The following MAST4 variants were observed in gnomAD, a reference collection of about 807,000 sequenced individuals.
MAST4 encodes microtubule associated serine/threonine kinase family member 4.
In MAST4, 89 loss-of-function variants were observed where a neutral mutation model predicts 162.7. The observed-to-expected ratio is 0.55, with a 90% CI of 0.46 to 0.65. The LOEUF (loss-of-function observed/expected upper bound fraction) is 0.65, where lower values mean the gene tolerates loss of function less well. Among genes scored for constraint, MAST4 ranks in the 30% least tolerant of loss-of-function variants. The probability of loss-of-function intolerance (pLI) is 0.00; values close to 1 mark genes in which losing one functional copy is unlikely to be tolerated. For missense variants in MAST4, 3,153 were observed against 3,374.0 expected (o/e 0.93, Z 1.62); for synonymous variants, 1,479 against 1,361.1 (o/e 1.09, Z -1.91).
intron 1 of MAST4, among the ~76,000 whole-genome samples, chr5:66,733,639 A>G (rs1192874657): frequency 6.6e-6 from 1 of 152,038 alleles, no homozygotes; most frequent in Non-Finnish European, 1.5e-5. Context: ...TTGTATTTTT[A>G]GTAGAGATGG....
intron 1 of MAST4, among the ~76,000 whole-genome samples, chr5:66,606,435 A>C (rs80046264): frequency 0.018 from 2,675 of 152,232 alleles, 73 homozygotes; most frequent in African/African-American, 0.062. Flanking sequence ...TTTGAAAACT[A>C]TTGAAGATGT....
intron 2 of MAST4, 63 bp from the exon 3 acceptor site, chr5:66,788,607 C>CCAAAAAAAAAAACAAAA: frequency 7.3e-7 from 1 of 1,373,726 alleles, no homozygotes; most frequent in Non-Finnish European, 1.0e-6. Context: ...CCCCCACCCC[C>CCAAAAAAAAAAACAAAA]ATTGCAATAA....
chr5:67,129,988 A>G (rs1314247244), intron 14 of MAST4, among the ~76,000 whole-genome samples: 1 of 152,154 alleles, frequency 6.6e-6, no homozygotes, highest in Non-Finnish European at 1.5e-5. Context: ...TGATGCCTGG[A>G]TATGACCCTT....
chr5:67,087,058 T>C (rs540908766), intron 5 of MAST4, among the ~76,000 whole-genome samples: 7 of 152,278 alleles, frequency 4.6e-5, no homozygotes, highest in Admixed American at 1.3e-4. Context: ...GCTAGTCTTA[T>C]AATTCCTCCC....
At chr5:67,110,285 G>T (rs1581595187) in intron 11 of MAST4, 86 bp downstream of exon 11, 1 of 931,456 alleles carries the variant, frequency 1.1e-6, no homozygotes, top group East Asian at 2.4e-5. Context: ...TTGGTTTCCA[G>T]CACCAGAGCT....
intron 5 of MAST4, among the ~76,000 whole-genome samples, chr5:67,070,961 CT>C (rs772268424): frequency 3.1e-4 from 47 of 152,306 alleles, no homozygotes; most frequent in Non-Finnish European, 5.6e-4. Context: ...TATTATCTTT[CT>C]GTAGGAAATT....
At chr5:67,126,877 A>G (rs1473035086) in intron 14 of MAST4, among the ~76,000 whole-genome samples, 1 of 152,226 alleles carries the variant, frequency 6.6e-6, no homozygotes, top group Non-Finnish European at 1.5e-5. Flanking sequence ...ATCCATGAGC[A>G]TGGAATGTTT....
chr5:66,974,733 A>C (rs141945936), intron 4 of MAST4, among the ~76,000 whole-genome samples: 44 of 152,374 alleles, frequency 2.9e-4, no homozygotes, highest in African/African-American at 9.4e-4. Flanking sequence ...GAGTAGAGTA[A>C]GGGTTTTATT....
chr5:66,754,944 G>T (rs903929751), intron 1 of MAST4, among the ~76,000 whole-genome samples: 1 of 152,192 alleles, frequency 6.6e-6, no homozygotes, highest in South Asian at 2.1e-4. Flanking sequence ...AAGGTCCTGG[G>T]TGGGAAGAGC....
At position 67,166,023 on chromosome 5, in the gene MAST4, C is replaced by T. The variant is rs1342865553; in HGVS notation, c.6844C>T (p.Leu2282=). 3 of 1,613,476 alleles carry T rather than the reference C, an allele frequency of 1.9e-6. No individual in the cohort carries two copies. Among genetic ancestry groups the T allele is most frequent in the East Asian group, 2.2e-5 (1 of 44,862 alleles). The part of the protein sequence containing the change: ...SVPLHTDRAP[L]DAKPQPTSGG... ...CCCACTGCACACTGACAGGGCTCCTCTAGACGCCAAGCCACAACCCACCAG... is the reference window on the plus strand; with the variant it reads ...CCCACTGCACACTGACAGGGCTCCTTTAGACGCCAAGCCACAACCCACCAG... The change falls in exon 29 of 29, where the codon CTA becomes TTA. Residue 2282 remains leucine (L), a synonymous_variant. Coordinates refer to ENST00000403625, the MANE Select transcript of MAST4 (RefSeq NM_001164664.2).
intron 2 of MAST4, among the ~76,000 whole-genome samples, chr5:66,770,724 T>A (rs181137190): frequency 1.3e-5 from 2 of 152,324 alleles, no homozygotes; most frequent in Admixed American, 1.3e-4. Context: ...GCTCTTTGCT[T>A]TGATGTGTAC....
chr5:67,162,442 C>G (rs1420580841), intron 27 of MAST4, among the ~76,000 whole-genome samples, 165 bp from the exon 28 acceptor site: 3 of 152,172 alleles, frequency 2.0e-5, no homozygotes, highest in Non-Finnish European at 4.4e-5. Flanking sequence ...CTTTACATGT[C>G]ATAAGAAGGT....
intron 4 of MAST4, among the ~76,000 whole-genome samples, chr5:67,016,289 A>G (rs560935794): frequency 8.5e-5 from 13 of 152,218 alleles, no homozygotes; most frequent in Admixed American, 2.6e-4. Context: ...CTGTCCCTAA[A>G]TCTCACCACT....
chr5:66,935,777 C>T (rs1163573605), intron 4 of MAST4, among the ~76,000 whole-genome samples: 1 of 151,890 alleles, frequency 6.6e-6, no homozygotes, highest in African/African-American at 2.4e-5. Flanking sequence ...AAGCAATTCT[C>T]CTGCCTCAGC....
intron 4 of MAST4, chr5:66,959,092 A>C (rs1745667677): frequency 7.8e-6 from 5 of 645,120 alleles, no homozygotes; most frequent in Non-Finnish European, 1.4e-5. Context: ...TTACGGCTAG[A>C]GGTGGAAGGA....
intron 4 of MAST4, among the ~76,000 whole-genome samples, chr5:67,034,230 G>A (rs756798478): frequency 3.1e-4 from 47 of 152,136 alleles, no homozygotes; most frequent in Non-Finnish European, 6.3e-4. Context: ...TATGTAAGGT[G>A]CTGAAAGCCA....
chr5:66,827,701 G>A lies in MAST4; in HGVS notation c.642+38907G>A, dbSNP rs535748688. On this transcript the variant is annotated intron_variant, in intron 3 of 28. Transcript: ENST00000403625. ...GTGATTTAAAAAAATGTTTATACCT[G>A]TCTTCCTAACTTTCAAGAAAAATAA... Among the ~76,000 whole-genome samples, 9 of 152,288 alleles carry A rather than the reference G, an allele frequency of 5.9e-5. No individual in the cohort carries two copies. In the East Asian group the frequency reaches 1.5e-3, roughly 26 times the overall value.
chr5:66,699,766 C>CG (rs1425172013), intron 1 of MAST4, among the ~76,000 whole-genome samples: 15 of 119,362 alleles, frequency 1.3e-4, no homozygotes, highest in African/African-American at 3.6e-4. Context: ...GTTGGTGGGG[C>CG]GGGGGGGAAG....
At chr5:66,855,263 T>C (rs546148028) in intron 3 of MAST4, among the ~76,000 whole-genome samples, 1 of 152,258 alleles carries the variant, frequency 6.6e-6, no homozygotes, top group African/African-American at 2.4e-5. Context: ...CCTGCCTCTC[T>C]CTTGCTCCCG....
Sources: allele counts gnomAD v4.1 joint callset (sites outside exome capture counted in the v4.1 genomes callset), GRCh38; gene constraint gnomAD v4.1.1; transcripts MANE v1.5; gene names NCBI Gene and HGNC (gene_info 2026-07-23, HGNC 2026-07-21).